The following ARHGAP12 variants were observed in gnomAD, a reference collection of about 807,000 sequenced individuals.
ARHGAP12 encodes the protein rho GTPase-activating protein 12.
ARHGAP12 carries 64 observed loss-of-function variants against 108.6 expected under a neutral mutation model. The observed-to-expected ratio is 0.59, with a 90% CI of 0.48 to 0.73. The LOEUF (loss-of-function observed/expected upper bound fraction) is 0.73, where lower values mean the gene tolerates loss of function less well. Ranked by LOEUF, ARHGAP12 falls within the 30% of genes least tolerant of loss-of-function variation. The pLI is 0.00. For synonymous variants in ARHGAP12, 312 were observed against 337.2 expected (o/e 0.93, Z 0.82); for missense variants, 940 against 1,005.9 (o/e 0.93, Z 0.89).
At chr10:31,875,601 A>G (rs960966685) in intron 3 of ARHGAP12, among the ~76,000 whole-genome samples, 1 of 152,196 alleles carries the variant, frequency 6.6e-6, no homozygotes, top group Non-Finnish European at 1.5e-5. Context: ...AATTCATCCT[A>G]AAGTTCCACA....
rs79015299 is a variant in ARHGAP12, at chr10:31,879,706, A to T, written c.685-18048T>A. 2.6e-3 allele frequency among the ~76,000 whole-genome samples: 395 copies of T among 152,086 alleles called. 3 individuals carry two copies. The highest frequency in any genetic ancestry group is 8.5e-3 in the African/African-American group (354 of 41,498). The stretch of plus-strand genomic sequence containing the variant: ...GGCTCACACTTGGCTCTAGTATTTT[A>T]AAAAAAAGACAATACTATATAGTCT... On this transcript the variant is annotated intron_variant, in intron 3 of 19. Coordinates refer to ENST00000344936, the MANE Select transcript of ARHGAP12 (RefSeq NM_018287.7).
At chr10:31,813,175 G>A (rs1378375876) in intron 14 of ARHGAP12, among the ~76,000 whole-genome samples, 1 of 151,824 alleles carries the variant, frequency 6.6e-6, no homozygotes, top group African/African-American at 2.4e-5. Flanking sequence ...GTTTTAGAAG[G>A]TAAAATGACC....
At chr10:31,889,317 C>T (rs1838317221) in intron 3 of ARHGAP12, among the ~76,000 whole-genome samples, 1 of 152,194 alleles carries the variant, frequency 6.6e-6, no homozygotes, top group Non-Finnish European at 1.5e-5. Context: ...GGCAAAGCCA[C>T]TGAATATCAT....
At chr10:31,822,502 C>T (rs182977068) in intron 11 of ARHGAP12, among the ~76,000 whole-genome samples, 26 of 152,322 alleles carry the variant, frequency 1.7e-4, no homozygotes, top group African/African-American at 5.5e-4. Context: ...AAGCAAAGCT[C>T]AACTTCCAAA....
chr10:31,812,695 TCTC>T lies in ARHGAP12; in HGVS notation c.1951+9_1951+11del, dbSNP rs767134581. The stretch of plus-strand genomic sequence containing the variant: ...AACATTCATTATTATCAACAATACT[TCTC>T]CTACCAACCTTTAATATAACCTTTT... On this transcript the variant is annotated intron_variant, in intron 15 of 19. Coordinates refer to ENST00000344936, the MANE Select transcript of ARHGAP12 (RefSeq NM_018287.7). 1.6e-5 allele frequency: 24 copies of T among 1,527,058 alleles called. No individual in the cohort carries two copies. In the Admixed American group the frequency reaches 2.0e-4, roughly 13 times the overall value. The allele number at this position is 1,527,058 out of a possible 1,614,324, so 94.6% of individuals were successfully genotyped here. A position where few individuals can be genotyped will look rare whatever the true frequency, so the allele number is the denominator to read the frequency against.
intron 1 of ARHGAP12, among the ~76,000 whole-genome samples, chr10:31,914,055 T>C (rs1035965811): frequency 6.6e-6 from 1 of 152,216 alleles, no homozygotes; most frequent in Admixed American, 6.5e-5. Context: ...GCAGCTTACA[T>C]GAAATAATTG....
At chr10:31,847,213 T>C (rs1437491666) in intron 6 of ARHGAP12, among the ~76,000 whole-genome samples, 1 of 152,188 alleles carries the variant, frequency 6.6e-6, no homozygotes, top group Non-Finnish European at 1.5e-5. Context: ...TCTTGGTGTG[T>C]CACCAACCTA....
rs1354708352 is a variant in ARHGAP12, at chr10:31,808,690, T to C, written c.2325A>G (p.Pro775=). 5 of 1,613,728 alleles carry C rather than the reference T, an allele frequency of 3.1e-6. No individual in the cohort carries two copies. The African/African-American group carries it at 4.0e-5, about 13-fold the overall frequency. ...AAAGAATCTGCATTGTGTCTTGGTT[T>C]GGCTTTGGCAACTGTCTGATTAGGT... ...VKDLIRQLPK[P]NQDTMQILFR... The change falls in exon 19 of 20, where the codon CCA becomes CCG. Residue 775 remains proline, a synonymous_variant. Coordinates refer to ENST00000344936, the MANE Select transcript of ARHGAP12 (RefSeq NM_018287.7).
In ARHGAP12 at chr10:31,874,749, G is replaced by A. The variant is rs561102251; in HGVS notation, c.685-13091C>T. Among the ~76,000 whole-genome samples the A allele has an allele frequency of 2.5e-4, 38 of 151,914 alleles. No homozygotes were observed. In the South Asian group the frequency reaches 4.6e-3, roughly 18 times the overall value. ...AGCACTTTGGGCGGCCGAGGCGTGCGGATCACCTGAGGTCAAAAGTTCGAG... is the reference window on the plus strand; with the variant it reads ...AGCACTTTGGGCGGCCGAGGCGTGCAGATCACCTGAGGTCAAAAGTTCGAG... On this transcript the variant is annotated intron_variant, in intron 3 of 19. Coordinates refer to ENST00000344936, the MANE Select transcript of ARHGAP12 (RefSeq NM_018287.7).
intron 3 of ARHGAP12, among the ~76,000 whole-genome samples, chr10:31,887,661 GT>G (rs574894424): frequency 0.29 from 37,492 of 129,934 alleles, 4,562 homozygotes; most frequent in African/African-American, 0.41. Flanking sequence ...TTTTTTTTTT[GT>G]TTTTTTTTTT....
chr10:31,822,620 G>A (rs1835455537), intron 11 of ARHGAP12, among the ~76,000 whole-genome samples: 2 of 152,108 alleles, frequency 1.3e-5, no homozygotes. Context: ...ACTTGTGTTA[G>A]CCATTGGGAG....
At chr10:31,881,058 T>G (rs1251562217) in intron 3 of ARHGAP12, among the ~76,000 whole-genome samples, 2 of 151,818 alleles carry the variant, frequency 1.3e-5, no homozygotes, top group South Asian at 2.1e-4. Context: ...CCTCCATCTC[T>G]ATCCCCCTCA....
At chr10:31,862,679 A>G (rs1178321218) in intron 3 of ARHGAP12, among the ~76,000 whole-genome samples, 1 of 150,442 alleles carries the variant, frequency 6.6e-6, no homozygotes, top group South Asian at 2.1e-4. Flanking sequence ...TCTAACCACC[A>G]GATGACAGTG....
intron 15 of ARHGAP12, among the ~76,000 whole-genome samples, chr10:31,811,347 C>A (rs1592240327): frequency 6.6e-6 from 1 of 152,152 alleles, no homozygotes; most frequent in Non-Finnish European, 1.5e-5. Flanking sequence ...TTTGATTTCA[C>A]AAAATACATT....
At chr10:31,915,339 T>C (rs886364949) in intron 1 of ARHGAP12, among the ~76,000 whole-genome samples, 1 of 146,190 alleles carries the variant, frequency 6.8e-6, no homozygotes, top group African/African-American at 2.6e-5. Flanking sequence ...TGGGCCAAGA[T>C]AGCGTCATTG....
intron 3 of ARHGAP12, among the ~76,000 whole-genome samples, chr10:31,874,346 T>C (rs1403880216): frequency 2.6e-5 from 4 of 151,576 alleles, no homozygotes; most frequent in Non-Finnish European, 5.9e-5. Context: ...GTGGAAAAGG[T>C]TGTGTTCACT....
chr10:31,924,460 A>T (rs1411845372), intron 1 of ARHGAP12, among the ~76,000 whole-genome samples: 4 of 152,214 alleles, frequency 2.6e-5, no homozygotes, highest in African/African-American at 9.6e-5. Context: ...AGGAAGCAAA[A>T]GCTGTAATAG....
At chr10:31,835,923 G>C (rs1835998103) in intron 9 of ARHGAP12, among the ~76,000 whole-genome samples, 1 of 152,000 alleles carries the variant, frequency 6.6e-6, no homozygotes, top group Admixed American at 6.6e-5. Context: ...CTATAACAGA[G>C]GTGATAGCCA....
chr10:31,907,633 TA>T (rs201334534), intron 3 of ARHGAP12, among the ~76,000 whole-genome samples: 30,771 of 127,570 alleles, frequency 0.24, 3,389 homozygotes, highest in East Asian at 0.4. Context: ...GACCTTGTCT[TA>T]AAAAAAAAAA....
Sources: gnomAD v4.1 joint callset for allele counts (sites outside exome capture counted in the v4.1 genomes callset) on GRCh38, gnomAD v4.1.1 for gene constraint, MANE v1.5 for transcripts, NCBI Gene and HGNC (gene_info 2026-07-23, HGNC 2026-07-21) for gene names.